The following CEBPZ variants were observed in gnomAD, a reference collection of about 807,000 sequenced individuals.
CEBPZ encodes CCAAT/enhancer-binding protein zeta.
In CEBPZ, 78 loss-of-function variants were observed where a neutral mutation model predicts 104.5. The observed-to-expected ratio is 0.75, with a 90% CI of 0.62 to 0.90. CEBPZ has a LOEUF of 0.90. Ranked by LOEUF, CEBPZ falls within the 40% of genes least tolerant of loss-of-function variation. CEBPZ has a pLI of 0.00. For missense variants in CEBPZ, 1,439 were observed against 1,233.5 expected, an observed-to-expected ratio of 1.17 and a Z score of -2.50; for synonymous variants, 470 against 427.0, an observed-to-expected ratio of 1.10 and a Z score of -1.24.
chr2:37,211,733 A>AGT, intron 12 of CEBPZ, 110 bp downstream of exon 12: 1 of 724,054 alleles, frequency 1.4e-6, no homozygotes, highest in East Asian at 2.9e-5. Context: ...GGCTGACATG[A>AGT]GTATTAATTT....
chr2:37,223,166 A>AT lies in CEBPZ; in HGVS notation c.1881+3dup. 6.2e-7 allele frequency: 1 copy of AT among 1,609,326 alleles called. No individual in the cohort carries two copies. Among genetic ancestry groups the AT allele is most frequent in the Non-Finnish European group, 8.5e-7 (1 of 1,176,208 alleles). On this transcript the variant is annotated splice_donor_region_variant and intron_variant, in intron 3 of 15. Coordinates refer to ENST00000234170, the MANE Select transcript of CEBPZ (RefSeq NM_005760.3). ...TCAATTTAAAAAGCAGTTGTAAAAT[A>AT]TACCGGATGATCATCTAGTTGGCTT...
At position 37,223,200 on chromosome 2, in the gene CEBPZ, T is replaced by C. The variant is rs779266903; in HGVS notation, c.1851A>G (p.Pro617=). 1.9e-6 allele frequency: 3 copies of C among 1,613,952 alleles called. No individual in the cohort carries two copies. The South Asian group carries it at 3.3e-5, about 18-fold the overall frequency. ...YLVSEILKAK[P]GLRSQLDDHP... The stretch of plus-strand genomic sequence containing the variant: ...GATCATCTAGTTGGCTTCTTAAACC[T>C]GGTTTTGCTTTAAGGATCTCAGACA... The change falls in exon 3 of 16, where the codon CCA becomes CCG. Residue 617 remains proline, a synonymous_variant. Coordinates refer to ENST00000234170, the MANE Select transcript of CEBPZ (RefSeq NM_005760.3).
chr2:37,211,958 G>A lies in CEBPZ; in HGVS notation c.2685C>T (p.Asn895=), dbSNP rs185440523. The A allele has an allele frequency of 2.5e-6, 4 of 1,613,502 alleles. No individual in the cohort carries two copies. Among genetic ancestry groups the A allele is most frequent in the Admixed American group, 1.7e-5 (1 of 59,916 alleles). Reference sequence around the variant, plus strand: ...CTAAAGAAACTTCATCGTCATCCAGGTTACCAAGTTCATCATCACTACCTT... The same window carrying A: ...CTAAAGAAACTTCATCGTCATCCAGATTACCAAGTTCATCATCACTACCTT... The part of the protein sequence containing the change: ...DSEGSDDELG[N]LDDDEVSLGS... The change falls in exon 12 of 16, where the codon AAC becomes AAT. Residue 895 remains asparagine, a synonymous_variant. Transcript: ENST00000234170.
In CEBPZ at chr2:37,227,524, T is replaced by C. The variant is rs966543343; in HGVS notation, c.1649+20A>G. 1 of 1,566,252 alleles carries C rather than the reference T, an allele frequency of 6.4e-7. No homozygotes were observed. On this transcript the variant is annotated intron_variant, in intron 2 of 15. Transcript: ENST00000234170. ...TCAAGTTATTATTTCATGTCTCATA[T>C]TGGAAGGGTATGTTCTTACCTGTAT...
chr2:37,221,413 C>T (rs1452614071), intron 4 of CEBPZ, among the ~76,000 whole-genome samples: 1 of 152,092 alleles, frequency 6.6e-6, no homozygotes, highest in Non-Finnish European at 1.5e-5. Context: ...GAGGTGGAAA[C>T]GTTAAGATGG....
chr2:37,217,234 A>G (rs1664626287), intron 5 of CEBPZ, among the ~76,000 whole-genome samples, 197 bp from the exon 6 acceptor site: 1 of 151,884 alleles, frequency 6.6e-6, no homozygotes, highest in Non-Finnish European at 1.5e-5. Flanking sequence ...CCATGTCTAC[A>G]AAAAGTACAA....
At chr2:37,214,323 T>C (rs1677814379) in intron 9 of CEBPZ, among the ~76,000 whole-genome samples, 1 of 152,160 alleles carries the variant, frequency 6.6e-6, no homozygotes, top group Admixed American at 6.6e-5. Flanking sequence ...CCAGATGAGA[T>C]AAGAGGTACT....
intron 13 of CEBPZ, among the ~76,000 whole-genome samples, chr2:37,208,075 A>G (rs556150449): frequency 6.6e-6 from 1 of 152,326 alleles, no homozygotes; most frequent in South Asian, 2.1e-4. Flanking sequence ...TCCTGGAAAT[A>G]TACAACCCTT....
At chr2:37,220,102 A>G (rs1280570164) in intron 5 of CEBPZ, among the ~76,000 whole-genome samples, 3 of 151,768 alleles carry the variant, frequency 2.0e-5, no homozygotes, top group Admixed American at 2.0e-4. Context: ...GCGGATCACA[A>G]GGTCAGGAGA....
chr2:37,228,040 CAAG>C lies in CEBPZ; in HGVS notation c.1150_1152del (p.Leu384del), dbSNP rs1558478648. On this transcript the variant is annotated inframe_deletion, in exon 2 of 16. Coordinates refer to ENST00000234170, the MANE Select transcript of CEBPZ (RefSeq NM_005760.3). The stretch of plus-strand genomic sequence containing the variant: ...TCTCCCAGTTTATTTACCACTTGCA[CAAG>C]AAGAGCCTTTTCTTCCTCAGGCTTG... The C allele has an allele frequency of 9.9e-6, 16 of 1,614,164 alleles. No homozygotes were observed. The highest frequency in any genetic ancestry group is 1.1e-5 in the Non-Finnish European group (13 of 1,180,020).
At position 37,213,028 on chromosome 2, in the gene CEBPZ, CAG is replaced by C. The variant is rs369775279; in HGVS notation, c.2546-638_2546-637del. The stretch of plus-strand genomic sequence containing the variant: ...TGCCACTGCACTCCAGCCTGGGAGA[CAG>C]AGAGAGCCTGTCTCAAAACAAACAA... On this transcript the variant is annotated intron_variant, in intron 10 of 15. Coordinates refer to ENST00000234170, the MANE Select transcript of CEBPZ (RefSeq NM_005760.3). Among the ~76,000 whole-genome samples, 265 of 152,070 alleles carry C rather than the reference CAG, an allele frequency of 1.7e-3. 1 individual carries two copies. Among genetic ancestry groups the C allele is most frequent in the Middle Eastern group, 0.01 (3 of 294 alleles).
rs754739089 is a variant in CEBPZ, at chr2:37,227,904, CG to C, written c.1288del (p.Arg430AlafsTer16). On this transcript the variant is annotated frameshift_variant, in exon 2 of 16. Transcript: ENST00000234170. LOFTEE classifies it high-confidence loss of function. ...TTGAGCTTTGGAGCTGATATTTGAG[CG>C]GAAGAGTAGCCTTTCTACTTCACCA... ...VSGEVERLLF[R>X]SNISSKAQYY... The C allele has an allele frequency of 2.5e-6, 4 of 1,614,100 alleles. No individual in the cohort carries two copies. The highest frequency in any genetic ancestry group is 3.4e-6 in the Non-Finnish European group (4 of 1,180,028).
rs1335844281 is a variant in CEBPZ, at chr2:37,216,992, T to C, written c.2200A>G (p.Ile734Val). The C allele has an allele frequency of 1.2e-6, 2 of 1,612,066 alleles. No homozygotes were observed. Among genetic ancestry groups the C allele is most frequent in the Non-Finnish European group, 1.7e-6 (2 of 1,178,226 alleles). The change falls in exon 6 of 16, where the codon ATC becomes GTC. Residue 734 changes from isoleucine to valine, a missense_variant. Ile to Val is a conservative substitution (Grantham distance 29). Transcript: ENST00000234170. ...HPSVALFAKT[I>V]LQGNYIQYSG... ...ATTTATTTTAGACTCACCTGAAGGA[T>C]GGTCTTTGCAAAAAGGGCCACGGAG... is the stretch of plus-strand genomic sequence containing the variant.
chr2:37,208,656 G>A (rs947676930), intron 13 of CEBPZ, among the ~76,000 whole-genome samples: 2 of 152,028 alleles, frequency 1.3e-5, no homozygotes, highest in Non-Finnish European at 2.9e-5. Context: ...AGTAATGAAA[G>A]CCATCTATGA....
At position 37,212,833 on chromosome 2, in the gene CEBPZ, A is replaced by C. The variant is rs974298560; in HGVS notation, c.2546-441T>G. 2.2e-4 allele frequency among the ~76,000 whole-genome samples: 31 copies of C among 138,206 alleles called. No individual in the cohort carries two copies. In the East Asian group the frequency reaches 7.0e-3, roughly 31 times the overall value. The allele number at this position is 138,206 out of a possible 152,430, so 90.7% of individuals were successfully genotyped here. A position where few individuals can be genotyped will look rare whatever the true frequency, so the allele number is the denominator to read the frequency against. The stretch of plus-strand genomic sequence containing the variant: ...GGCAACACGGCAAGACCCTATCTCT[A>C]TTAAAAAAAAAAAAAAAACAAAAAC... On this transcript the variant is annotated intron_variant, in intron 10 of 15. Coordinates refer to ENST00000234170, the MANE Select transcript of CEBPZ (RefSeq NM_005760.3).
intron 10 of CEBPZ, chr2:37,212,688 CTTTTTA>C: frequency 2.4e-6 from 1 of 413,206 alleles, no homozygotes; most frequent in Non-Finnish European, 4.4e-6. Context: ...AATTGTCGTC[CTTTTTA>C]CTCTATTAGA....
chr2:37,223,731 C>T (rs1167905337), intron 2 of CEBPZ, among the ~76,000 whole-genome samples: 1 of 152,212 alleles, frequency 6.6e-6, no homozygotes, highest in Non-Finnish European at 1.5e-5. Flanking sequence ...AAAAGCTAAT[C>T]TAAAACCAGA....
chr2:37,213,931 T>A lies in CEBPZ; in HGVS notation c.2478A>T (p.Lys826Asn). 1 of 1,590,042 alleles carries A rather than the reference T, an allele frequency of 6.3e-7. No individual in the cohort carries two copies. Among genetic ancestry groups the A allele is most frequent in the Non-Finnish European group, 8.5e-7 (1 of 1,172,654 alleles). ...RYYKKVAVKE[K>N]QKRDADEESI... ...TTTCTTCATCTGCATCCCGTTTTTG[T>A]TTCTCTTTAACAGCAACTTTTTTAT... Residue 826 changes from lysine to asparagine, a missense_variant, in exon 10 of 16, where the codon AAA becomes AAT. Coordinates refer to ENST00000234170, the MANE Select transcript of CEBPZ (RefSeq NM_005760.3).
intron 15 of CEBPZ, chr2:37,202,189 G>T: frequency 1.4e-4 from 25 of 185,068 alleles, no homozygotes; most frequent in Non-Finnish European, 1.7e-4. Context: ...CAATCAATAT[G>T]TAAAAACGGC....
Sources: allele counts gnomAD v4.1 joint callset (sites outside exome capture counted in the v4.1 genomes callset), GRCh38; gene constraint gnomAD v4.1.1; transcripts MANE v1.5; gene names NCBI Gene and HGNC (gene_info 2026-07-23, HGNC 2026-07-21).